Variants in RABGAP1L observed in about 807,000 individuals in gnomAD.
RABGAP1L encodes the protein rab GTPase-activating protein 1-like.
In RABGAP1L, 63 loss-of-function variants were observed where a neutral mutation model predicts 137.7. That is an observed-to-expected ratio of 0.46 (90% CI 0.37 to 0.56). The LOEUF (loss-of-function observed/expected upper bound fraction) is 0.56, where lower values mean the gene tolerates loss of function less well. Among genes scored for constraint, RABGAP1L ranks in the 20% least tolerant of loss-of-function variants. RABGAP1L has a pLI of 0.00. For missense variants in RABGAP1L, 1,095 were observed against 1,244.0 expected (o/e 0.88, Z 1.80); for synonymous variants, 431 against 433.7 (o/e 0.99, Z 0.08).
At chr1:174,730,435 C>T (rs1403358115) in intron 17 of RABGAP1L, among the ~76,000 whole-genome samples, 1 of 152,176 alleles carries the variant, frequency 6.6e-6, no homozygotes. Flanking sequence ...AGCCATGTAA[C>T]CGACCTGCAT....
intron 11 of RABGAP1L, among the ~76,000 whole-genome samples, chr1:174,349,081 C>A (rs546221539): frequency 7.1e-6 from 1 of 141,264 alleles, no homozygotes; most frequent in Non-Finnish European, 1.5e-5. Context: ...CCCTCCAAGA[C>A]GGGGCGGCTG....
At position 174,990,045 on chromosome 1, in the gene RABGAP1L, G is replaced by T; in HGVS notation, c.*44G>T. ...ACAAGAGCACAATGTTCAAACCAAT[G>T]GAAATCTGGGAGGATTCTTCCTGGT... is the stretch of plus-strand genomic sequence containing the variant. On this transcript the variant is annotated 3_prime_UTR_variant, in exon 26 of 26. Transcript: ENST00000681986. 6.8e-7 allele frequency: 1 copy of T among 1,463,776 alleles called. No homozygotes were observed. 90.7% of individuals were successfully genotyped at this position (1,463,776 alleles called of 1,614,324 possible). A position where few individuals can be genotyped will look rare whatever the true frequency, so the allele number is the denominator to read the frequency against.
At chr1:174,478,189 C>G (rs908996358) in intron 13 of RABGAP1L, among the ~76,000 whole-genome samples, 8 of 151,912 alleles carry the variant, frequency 5.3e-5, no homozygotes, top group Non-Finnish European at 1.2e-4. Context: ...ATTTTTACCC[C>G]ACCTTATTTC....
intron 3 of RABGAP1L, among the ~76,000 whole-genome samples, chr1:174,224,131 A>G (rs1296518730): frequency 6.6e-6 from 1 of 152,214 alleles, no homozygotes; most frequent in Non-Finnish European, 1.5e-5. Flanking sequence ...TTGTCAAGGT[A>G]GGAAAAGCCA....
intron 7 of RABGAP1L, among the ~76,000 whole-genome samples, chr1:174,259,947 G>A (rs867895891): frequency 6.6e-6 from 1 of 151,318 alleles, no homozygotes; most frequent in Non-Finnish European, 1.5e-5. Flanking sequence ...CAATTCTTCT[G>A]CCTCAGCCTC....
At chr1:174,624,291 C>A (rs1171790391) in intron 13 of RABGAP1L, among the ~76,000 whole-genome samples, 3 of 152,226 alleles carry the variant, frequency 2.0e-5, no homozygotes, top group Non-Finnish European at 4.4e-5. Flanking sequence ...CTTTTGCAGA[C>A]ATTCTCCACT....
intron 12 of RABGAP1L, among the ~76,000 whole-genome samples, chr1:174,385,449 G>T (rs1027734407): frequency 6.6e-6 from 1 of 152,168 alleles, no homozygotes; most frequent in Non-Finnish European, 1.5e-5. Flanking sequence ...GTAACATTGA[G>T]TTCAAGGAAA....
At chr1:174,912,897 T>C (rs911785517) in intron 19 of RABGAP1L, among the ~76,000 whole-genome samples, 4 of 152,180 alleles carry the variant, frequency 2.6e-5, no homozygotes, top group African/African-American at 4.8e-5. Context: ...TTTGTCTCTT[T>C]ATCATATATG....
chr1:174,849,520 C>T (rs987156957), intron 19 of RABGAP1L: 7 of 309,158 alleles, frequency 2.3e-5, no homozygotes, highest in Non-Finnish European at 3.7e-5. Flanking sequence ...CATTCTATGG[C>T]AATCCTGAAA....
intron 14 of RABGAP1L, among the ~76,000 whole-genome samples, chr1:174,673,298 C>T (rs993645782): frequency 1.3e-5 from 2 of 152,148 alleles, no homozygotes; most frequent in Non-Finnish European, 2.9e-5. Context: ...TTCCCATGAT[C>T]TAATTTTTCT....
intron 13 of RABGAP1L, among the ~76,000 whole-genome samples, chr1:174,484,747 G>T (rs1659466966): frequency 6.6e-6 from 1 of 151,984 alleles, no homozygotes; most frequent in Non-Finnish European, 1.5e-5. Context: ...GTGCCGTTTT[G>T]GTTATGTAGC....
At chr1:174,347,683 A>G (rs1334794678) in intron 11 of RABGAP1L, among the ~76,000 whole-genome samples, 2 of 152,018 alleles carry the variant, frequency 1.3e-5, no homozygotes, top group East Asian at 1.9e-4. Flanking sequence ...TTTAGTGGAG[A>G]TGCGGTTTCA....
At chr1:174,639,248 T>C (rs1674329972) in intron 14 of RABGAP1L, among the ~76,000 whole-genome samples, 2 of 152,156 alleles carry the variant, frequency 1.3e-5, no homozygotes, top group African/African-American at 4.8e-5. Flanking sequence ...TAGAAATCTA[T>C]TTTTATATGA....
chr1:174,320,923 ATTAGGTCTG>A, intron 11 of RABGAP1L, among the ~76,000 whole-genome samples: 1 of 152,292 alleles, frequency 6.6e-6, no homozygotes, highest in East Asian at 1.9e-4. Flanking sequence ...GGAGATAACC[ATTAGGTCTG>A]ACTGCCTGGG....
In RABGAP1L at chr1:174,462,997, A is replaced by G. The variant is rs189242982; in HGVS notation, c.1710+68852A>G. Among the ~76,000 whole-genome samples the G allele has an allele frequency of 9.8e-3, 1,499 of 152,316 alleles. 13 individuals are homozygous for G. Among genetic ancestry groups the G allele is most frequent in the Non-Finnish European group, 0.014 (978 of 68,030 alleles). On this transcript the variant is annotated intron_variant, in intron 13 of 25. Coordinates refer to ENST00000681986, the MANE Select transcript of RABGAP1L (RefSeq NM_001366446.1). Reference sequence around the variant, plus strand: ...ACACCAGTTAGAATGGCAATCATTAAAAAGTCAGGAAACAATAGGTGCTGG... The same window carrying G: ...ACACCAGTTAGAATGGCAATCATTAGAAAGTCAGGAAACAATAGGTGCTGG...
At chr1:174,606,939 A>G (rs1373034213) in intron 13 of RABGAP1L, among the ~76,000 whole-genome samples, 2 of 152,226 alleles carry the variant, frequency 1.3e-5, no homozygotes, top group African/African-American at 2.4e-5. Flanking sequence ...AATAAATATT[A>G]AAACCTGTTT....
At chr1:174,250,673 G>T in intron 6 of RABGAP1L, 41 bp downstream of exon 6, 1 of 1,577,190 alleles carries the variant, frequency 6.3e-7, no homozygotes, top group Non-Finnish European at 8.7e-7. Context: ...ATTGTATCTG[G>T]AGTATAATAT....
intron 17 of RABGAP1L, among the ~76,000 whole-genome samples, chr1:174,739,692 A>G (rs1030482802): frequency 6.6e-6 from 1 of 152,222 alleles, no homozygotes; most frequent in Non-Finnish European, 1.5e-5. Flanking sequence ...CTGAATTATA[A>G]TCAGGAAACT....
intron 11 of RABGAP1L, among the ~76,000 whole-genome samples, chr1:174,343,688 G>A (rs1682183200): frequency 6.6e-6 from 1 of 152,058 alleles, no homozygotes; most frequent in Non-Finnish European, 1.5e-5. Context: ...TAGTCTGCCT[G>A]CATATTAGTC....
Sources: gnomAD v4.1 joint callset for allele counts (sites outside exome capture counted in the v4.1 genomes callset) on GRCh38, gnomAD v4.1.1 for gene constraint, MANE v1.5 for transcripts, NCBI Gene and HGNC (gene_info 2026-07-23, HGNC 2026-07-21) for gene names.